TENM4: variants seen among roughly 807,000 people sequenced by gnomAD.
TENM4 encodes teneurin transmembrane protein 4, also known as teneurin-4.
In TENM4, 82 loss-of-function variants were observed where a neutral mutation model predicts 243.3. The ratio of observed to expected loss-of-function variants is 0.34; its 90% CI spans 0.28 to 0.40. The LOEUF is 0.40. TENM4 is among the 10% of genes least tolerant of loss of function. The probability of loss-of-function intolerance (pLI) is 1.00; values close to 1 mark genes in which losing one functional copy is unlikely to be tolerated. For missense variants in TENM4, 3,138 were observed against 3,673.3 expected, an observed-to-expected ratio of 0.85 and a Z score of 3.77; for synonymous variants, 1,412 against 1,456.3, an observed-to-expected ratio of 0.97 and a Z score of 0.69.
intron 9 of TENM4, among the ~76,000 whole-genome samples, chr11:78,878,301 T>C (rs1375491285): frequency 1.3e-5 from 2 of 152,194 alleles, no homozygotes; most frequent in African/African-American, 4.8e-5. Context: ...GCTATGATAC[T>C]AAGTATGACG....
chr11:79,065,217 T>C (rs533990154), intron 5 of TENM4, among the ~76,000 whole-genome samples: 4 of 152,284 alleles, frequency 2.6e-5, no homozygotes, highest in Admixed American at 2.6e-4. Context: ...TCCATTTCCC[T>C]TAAGCCTCAA....
At chr11:79,429,041 A>G (rs1859112985) in intron 1 of TENM4, among the ~76,000 whole-genome samples, 1 of 152,160 alleles carries the variant, frequency 6.6e-6, no homozygotes, top group Non-Finnish European at 1.5e-5. Flanking sequence ...ATTCTAATGC[A>G]CCGCCAGGGT....
chr11:78,737,529 A>C (rs1855829135), intron 20 of TENM4, among the ~76,000 whole-genome samples: 1 of 152,230 alleles, frequency 6.6e-6, no homozygotes, highest in Non-Finnish European at 1.5e-5. Context: ...ATCAAGCTGG[A>C]GCATAATTTC....
intron 1 of TENM4, among the ~76,000 whole-genome samples, chr11:79,376,649 C>G (rs566874859): frequency 4.8e-5 from 7 of 146,714 alleles, no homozygotes; most frequent in Non-Finnish European, 7.6e-5. Flanking sequence ...AATGAACGAA[C>G]AGTGGTCCCA....
At chr11:79,313,850 G>A (rs1856760500) in intron 1 of TENM4, among the ~76,000 whole-genome samples, 1 of 152,112 alleles carries the variant, frequency 6.6e-6, no homozygotes, top group Non-Finnish European at 1.5e-5. Flanking sequence ...GTTCTGGGGA[G>A]GGGAGTAAAG....
At chr11:78,884,057 G>C (rs137920138) in intron 9 of TENM4, among the ~76,000 whole-genome samples, 52 of 152,338 alleles carry the variant, frequency 3.4e-4, no homozygotes, top group African/African-American at 1.2e-3. Context: ...CTTTTACTGA[G>C]TGCTCTGTGT....
At chr11:78,840,601 A>C (rs1858235962) in intron 12 of TENM4, among the ~76,000 whole-genome samples, 1 of 152,126 alleles carries the variant, frequency 6.6e-6, no homozygotes, top group Non-Finnish European at 1.5e-5. Flanking sequence ...GCCATCACTA[A>C]ATCTTTGCTT....
chr11:79,193,518 G>A (rs1863560357), intron 3 of TENM4, among the ~76,000 whole-genome samples: 2 of 152,192 alleles, frequency 1.3e-5, no homozygotes, highest in Non-Finnish European at 2.9e-5. Flanking sequence ...CATACTCTGA[G>A]TTGCTGCAAG....
At chr11:79,112,236 T>A (rs1018852299) in intron 4 of TENM4, among the ~76,000 whole-genome samples, 2 of 152,208 alleles carry the variant, frequency 1.3e-5, no homozygotes, top group African/African-American at 4.8e-5. Flanking sequence ...ATAAGTAATA[T>A]GCACAACCAA....
intron 1 of TENM4, among the ~76,000 whole-genome samples, chr11:79,411,693 G>A (rs892499054): frequency 6.6e-6 from 1 of 152,152 alleles, no homozygotes; most frequent in Non-Finnish European, 1.5e-5. Flanking sequence ...GAGGTTTTGG[G>A]GTTTTTGGTT....
chr11:79,236,700 T>C (rs1007389570), intron 2 of TENM4, among the ~76,000 whole-genome samples: 2 of 152,162 alleles, frequency 1.3e-5, no homozygotes, highest in African/African-American at 2.4e-5. Context: ...CTCCTTCCAG[T>C]GTGCTTTCTT....
intron 28 of TENM4, among the ~76,000 whole-genome samples, chr11:78,695,626 G>A (rs997956232): frequency 6.6e-6 from 1 of 151,748 alleles, no homozygotes; most frequent in Non-Finnish European, 1.5e-5. Flanking sequence ...GCCTCCCAAA[G>A]TGCTGGGATT....
At chr11:79,249,342 T>C (rs111860034) in intron 2 of TENM4, among the ~76,000 whole-genome samples, 58 of 152,270 alleles carry the variant, frequency 3.8e-4, no homozygotes, top group African/African-American at 1.3e-3. Context: ...TGAACATAGG[T>C]CCCTGTAATT....
intron 4 of TENM4, among the ~76,000 whole-genome samples, chr11:79,117,475 CT>C (rs1861647547): frequency 6.6e-6 from 1 of 152,178 alleles, no homozygotes; most frequent in Non-Finnish European, 1.5e-5. Flanking sequence ...ACTGGAAGGG[CT>C]ATCAGGGGCT....
At chr11:79,347,820 C>G (rs547077694) in intron 1 of TENM4, among the ~76,000 whole-genome samples, 1 of 138,734 alleles carries the variant, frequency 7.2e-6, no homozygotes. Flanking sequence ...TCGCCCAGAC[C>G]GGACTGCGGA....
intron 3 of TENM4, among the ~76,000 whole-genome samples, chr11:79,153,729 T>C (rs917980250): frequency 1.3e-5 from 2 of 152,152 alleles, no homozygotes; most frequent in African/African-American, 4.8e-5. Flanking sequence ...GGGGCTCTTC[T>C]CCAAACCATG....
At chr11:78,854,680 G>T (rs1385089647) in intron 11 of TENM4, among the ~76,000 whole-genome samples, 1 of 151,970 alleles carries the variant, frequency 6.6e-6, no homozygotes, top group East Asian at 1.9e-4. Flanking sequence ...TTTACAATTG[G>T]TTGAACTTCA....
chr11:79,148,905 G>T (rs1862443667), intron 3 of TENM4, 99 bp from the exon 4 acceptor site: 1 of 221,904 alleles, frequency 4.5e-6, no homozygotes, highest in Non-Finnish European at 7.6e-6. Flanking sequence ...GTGGGGGTGA[G>T]ACGTGGGCAT....
intron 1 of TENM4, among the ~76,000 whole-genome samples, chr11:79,409,095 TGTGTGTGCGCGC>T (rs1164617871): frequency 2.1e-3 from 229 of 107,026 alleles, no homozygotes; most frequent in Non-Finnish European, 3.9e-3. Context: ...TGTGTGTGTG[TGTGTGTGCGCGC>T]GCGCGCGTGC....
Sources: allele counts gnomAD v4.1 joint callset (sites outside exome capture counted in the v4.1 genomes callset), GRCh38; gene constraint gnomAD v4.1.1; transcripts MANE v1.5; gene names NCBI Gene and HGNC (gene_info 2026-07-23, HGNC 2026-07-21).